Variants in SGCZ observed in about 807,000 individuals in gnomAD.
SGCZ encodes sarcoglycan zeta, also known as zeta-sarcoglycan.
SGCZ carries 40 observed loss-of-function variants against 41.3 expected under a neutral mutation model. The observed-to-expected ratio is 0.97, with a 90% CI of 0.75 to 1.26. SGCZ has a LOEUF of 1.26. Among genes scored for constraint, SGCZ ranks in the 50% most tolerant of loss-of-function variants. SGCZ has a pLI of 0.00. For synonymous variants in SGCZ, 206 were observed against 137.5 expected, an observed-to-expected ratio of 1.50 and a Z score of -3.49; for missense variants, 552 against 369.8, an observed-to-expected ratio of 1.49 and a Z score of -4.04.
intron 2 of SGCZ, among the ~76,000 whole-genome samples, chr8:14,362,184 G>A (rs537290737): frequency 6.6e-6 from 1 of 152,246 alleles, no homozygotes; most frequent in South Asian, 2.1e-4. Context: ...ATTGATGTTC[G>A]CACACCATAC....
chr8:14,204,427 G>A (rs371562205), intron 4 of SGCZ, among the ~76,000 whole-genome samples: 32 of 152,234 alleles, frequency 2.1e-4, no homozygotes, highest in East Asian at 1.7e-3. Flanking sequence ...TACTATGGGT[G>A]AATGTGAGTC....
intron 1 of SGCZ, among the ~76,000 whole-genome samples, chr8:14,861,796 A>C (rs1803757309): frequency 6.6e-6 from 1 of 152,058 alleles, no homozygotes; most frequent in Non-Finnish European, 1.5e-5. Flanking sequence ...GATATTCCTT[A>C]GGGGGTGTCA....
At chr8:14,123,650 T>C (rs780327855) in intron 5 of SGCZ, among the ~76,000 whole-genome samples, 1 of 152,174 alleles carries the variant, frequency 6.6e-6, no homozygotes, top group East Asian at 1.9e-4. Context: ...TGCTTCTATC[T>C]TCTAGCAGTT....
intron 1 of SGCZ, among the ~76,000 whole-genome samples, chr8:14,617,850 ATGTG>A (rs34821756): frequency 6.7e-4 from 62 of 92,742 alleles, no homozygotes; most frequent in African/African-American, 1.2e-3. Context: ...TTGTGTGTTT[ATGTG>A]TGTGTGTGTG....
intron 2 of SGCZ, among the ~76,000 whole-genome samples, chr8:14,395,868 AG>A (rs139575355): frequency 0.023 from 3,579 of 152,334 alleles, 127 homozygotes; most frequent in African/African-American, 0.079. Context: ...CACTACTTAA[AG>A]TTACTGCAAA....
intron 1 of SGCZ, among the ~76,000 whole-genome samples, chr8:14,766,014 G>A (rs1800024228): frequency 6.7e-6 from 1 of 150,160 alleles, no homozygotes; most frequent in African/African-American, 2.5e-5. Flanking sequence ...CCAGGCTGGA[G>A]TACAGTGGCA....
At chr8:14,251,601 G>C (rs993633474) in intron 3 of SGCZ, among the ~76,000 whole-genome samples, 3 of 152,062 alleles carry the variant, frequency 2.0e-5, no homozygotes, top group African/African-American at 7.2e-5. Flanking sequence ...GGAAACCAAA[G>C]TTATAGCAAC....
At chr8:14,486,692 C>T (rs949940158) in intron 2 of SGCZ, among the ~76,000 whole-genome samples, 2 of 152,180 alleles carry the variant, frequency 1.3e-5, no homozygotes, top group East Asian at 3.9e-4. Flanking sequence ...TGCGCCTCAG[C>T]CTTCCAAGTA....
chr8:14,841,748 A>G (rs1393199785), intron 1 of SGCZ, among the ~76,000 whole-genome samples: 2 of 152,216 alleles, frequency 1.3e-5, no homozygotes, highest in African/African-American at 4.8e-5. Context: ...AAACTGACAT[A>G]AAATCACAGA....
rs538571538 is a variant in SGCZ, at chr8:14,387,422, T to C, written c.235-63218A>G. 1.4e-4 allele frequency among the ~76,000 whole-genome samples: 21 copies of C among 152,316 alleles called. No homozygotes were observed. In the East Asian group the frequency reaches 2.1e-3, roughly 15 times the overall value. On this transcript the variant is annotated intron_variant, in intron 2 of 7. Coordinates refer to ENST00000382080, the MANE Select transcript of SGCZ (RefSeq NM_139167.4). ...ATGTAGTATAATTTAAATTTACCTCTTGTCAAAAACCTTTACTTGTCAAAA... is the reference window on the plus strand; with the variant it reads ...ATGTAGTATAATTTAAATTTACCTCCTGTCAAAAACCTTTACTTGTCAAAA...
At chr8:14,815,005 T>C (rs1801860283) in intron 1 of SGCZ, among the ~76,000 whole-genome samples, 1 of 152,346 alleles carries the variant, frequency 6.6e-6, no homozygotes, top group African/African-American at 2.4e-5. Flanking sequence ...CCATTTTTTC[T>C]TGTTTCTGAT....
chr8:15,014,482 C>G (rs974688628), intron 1 of SGCZ, among the ~76,000 whole-genome samples: 3 of 152,196 alleles, frequency 2.0e-5, no homozygotes, highest in African/African-American at 7.2e-5. Context: ...CAAAGAGTTA[C>G]TTTATACCTT....
At chr8:15,108,099 A>C (rs1370229867) in intron 1 of SGCZ, among the ~76,000 whole-genome samples, 2 of 152,150 alleles carry the variant, frequency 1.3e-5, no homozygotes, top group African/African-American at 4.8e-5. Flanking sequence ...TATGAATTCT[A>C]CTACTTTCTG....
intron 2 of SGCZ, among the ~76,000 whole-genome samples, chr8:14,486,238 G>C (rs1271488352): frequency 1.3e-5 from 2 of 151,950 alleles, no homozygotes; most frequent in African/African-American, 4.8e-5. Flanking sequence ...CCTTGAAATT[G>C]CCTGGAAAAT....
At chr8:14,454,858 C>A (rs1178446729) in intron 2 of SGCZ, among the ~76,000 whole-genome samples, 1 of 152,108 alleles carries the variant, frequency 6.6e-6, no homozygotes, top group Non-Finnish European at 1.5e-5. Flanking sequence ...ATACATCTAA[C>A]ATCATACACG....
At chr8:14,192,374 A>C (rs747074998) in intron 4 of SGCZ, among the ~76,000 whole-genome samples, 2 of 151,956 alleles carry the variant, frequency 1.3e-5, no homozygotes, top group Non-Finnish European at 2.9e-5. Flanking sequence ...TTTGTAACAC[A>C]TAATTTTCAT....
At chr8:14,582,210 A>G (rs1212659465) in intron 1 of SGCZ, among the ~76,000 whole-genome samples, 1 of 152,152 alleles carries the variant, frequency 6.6e-6, no homozygotes, top group African/African-American at 2.4e-5. Context: ...TGATAACATA[A>G]GCAGTCGAAA....
At chr8:14,485,379 G>C (rs1287399885) in intron 2 of SGCZ, among the ~76,000 whole-genome samples, 1 of 152,096 alleles carries the variant, frequency 6.6e-6, no homozygotes, top group East Asian at 1.9e-4. Flanking sequence ...TGGGATTACA[G>C]GCGTGCGCCA....
At chr8:14,558,600 G>C (rs1003485004) in intron 1 of SGCZ, among the ~76,000 whole-genome samples, 2 of 151,134 alleles carry the variant, frequency 1.3e-5, no homozygotes, top group Middle Eastern at 3.2e-3. Flanking sequence ...GAGAGAGAGA[G>C]AGAGAGAGAG....
Sources: allele counts gnomAD v4.1 joint callset (sites outside exome capture counted in the v4.1 genomes callset), GRCh38; gene constraint gnomAD v4.1.1; transcripts MANE v1.5; gene names NCBI Gene and HGNC (gene_info 2026-07-23, HGNC 2026-07-21).